ITGB6: variants seen among roughly 807,000 people sequenced by gnomAD.
ITGB6 encodes integrin beta-6.
A neutral mutation model predicts 84.5 loss-of-function variants in ITGB6; 80 were observed. The ratio of observed to expected loss-of-function variants is 0.95; its 90% CI spans 0.79 to 1.14. ITGB6 has a LOEUF of 1.14. ITGB6 is among the 50% of genes most tolerant of loss of function. ITGB6 has a pLI of 0.00. For missense variants in ITGB6, 1,006 were observed against 968.0 expected, an observed-to-expected ratio of 1.04 and a Z score of -0.52; for synonymous variants, 383 against 354.9, an observed-to-expected ratio of 1.08 and a Z score of -0.89.
At chr2:160,118,805 A>C (rs568735044) in intron 12 of ITGB6, among the ~76,000 whole-genome samples, 1 of 152,280 alleles carries the variant, frequency 6.6e-6, no homozygotes, top group East Asian at 1.9e-4. Context: ...CTGATAAGCA[A>C]CTTCAGCAAA....
chr2:160,152,442 G>T (rs375225126), intron 7 of ITGB6, among the ~76,000 whole-genome samples: 13 of 152,036 alleles, frequency 8.6e-5, no homozygotes, highest in African/African-American at 3.1e-4. Context: ...TTGATGGAAC[G>T]TATCTCAAAA....
intron 7 of ITGB6, among the ~76,000 whole-genome samples, chr2:160,162,650 C>T (rs1157919886): frequency 6.6e-6 from 1 of 152,138 alleles, no homozygotes; most frequent in Non-Finnish European, 1.5e-5. Context: ...TGGAGTTTCA[C>T]TCTTGTTGCC....
At chr2:160,134,546 C>T (rs547450457) in intron 10 of ITGB6, among the ~76,000 whole-genome samples, 176 of 152,310 alleles carry the variant, frequency 1.2e-3, no homozygotes, top group Non-Finnish European at 1.9e-3. Flanking sequence ...TCCTCCCTAA[C>T]TCATTTTATG....
At chr2:160,133,135 C>T (rs1683540174) in intron 10 of ITGB6, among the ~76,000 whole-genome samples, 1 of 152,068 alleles carries the variant, frequency 6.6e-6, no homozygotes, top group South Asian at 2.1e-4. Context: ...GATAAAGAGT[C>T]AAGACCCATC....
At chr2:160,144,218 A>C (rs1684103245) in intron 7 of ITGB6, among the ~76,000 whole-genome samples, 1 of 152,110 alleles carries the variant, frequency 6.6e-6, no homozygotes, top group Admixed American at 6.5e-5. Flanking sequence ...TGAACTCTTA[A>C]CAGTGTGAGA....
chr2:160,145,898 T>A (rs1157681648), intron 7 of ITGB6, among the ~76,000 whole-genome samples: 1 of 152,186 alleles, frequency 6.6e-6, no homozygotes, highest in East Asian at 1.9e-4. Flanking sequence ...ATCTCCTGTG[T>A]GCTTAGCTCT....
In ITGB6 at chr2:160,150,553, C is replaced by T. The variant is rs143964155; in HGVS notation, c.1018-8482G>A. Reference sequence around the variant, plus strand: ...GCTATGAAGAAACTGCATCAATTAACGGACAAAATAACCAGCGAACATCAT... The same window carrying T: ...GCTATGAAGAAACTGCATCAATTAATGGACAAAATAACCAGCGAACATCAT... On this transcript the variant is annotated intron_variant, in intron 7 of 14. Coordinates refer to ENST00000283249, the MANE Select transcript of ITGB6 (RefSeq NM_000888.5). 7.7e-3 allele frequency among the ~76,000 whole-genome samples: 1,170 copies of T among 152,226 alleles called. 7 individuals carry two copies. The highest frequency in any genetic ancestry group is 0.012 in the Admixed American group (183 of 15,286).
At chr2:160,115,982 A>T (rs1488611535) in intron 12 of ITGB6, among the ~76,000 whole-genome samples, 3 of 148,546 alleles carry the variant, frequency 2.0e-5, no homozygotes, top group Middle Eastern at 3.4e-3. Context: ...AAAAGAAATG[A>T]ACAAAGCCTC....
intron 13 of ITGB6, among the ~76,000 whole-genome samples, chr2:160,110,799 G>A (rs1283281016): frequency 1.3e-5 from 2 of 152,134 alleles, no homozygotes; most frequent in Admixed American, 6.5e-5. Context: ...GCTGTGAGAC[G>A]GGAGACAGGA....
chr2:160,109,691 T>G (rs1697050782), intron 13 of ITGB6, among the ~76,000 whole-genome samples: 1 of 152,260 alleles, frequency 6.6e-6, no homozygotes, highest in African/African-American at 2.4e-5. Context: ...GATTTCTACG[T>G]GGAAGAAGAG....
chr2:160,126,345 C>T, intron 11 of ITGB6, 34 bp downstream of exon 11: 2 of 1,585,154 alleles, frequency 1.3e-6, no homozygotes, highest in Non-Finnish European at 1.7e-6. Context: ...ATAAACCTAT[C>T]CACATAAGGA....
intron 4 of ITGB6, among the ~76,000 whole-genome samples, chr2:160,186,711 A>T (rs763889595): frequency 2.0e-4 from 30 of 152,240 alleles, no homozygotes; most frequent in Middle Eastern, 3.2e-3. Flanking sequence ...ACTTGGAACC[A>T]ACCCAAATGT....
intron 6 of ITGB6, among the ~76,000 whole-genome samples, chr2:160,171,060 G>A (rs934956818): frequency 1.3e-5 from 2 of 152,212 alleles, no homozygotes; most frequent in African/African-American, 2.4e-5. Context: ...CTGATCAAAT[G>A]TTTGGGGAAA....
chr2:160,115,395 C>A (rs1202192299), intron 12 of ITGB6, among the ~76,000 whole-genome samples: 1 of 152,226 alleles, frequency 6.6e-6, no homozygotes, highest in African/African-American at 2.4e-5. Flanking sequence ...GATACCCAGG[C>A]AAACAGGGTC....
chr2:160,178,410 C>T (rs1685523596), intron 4 of ITGB6, among the ~76,000 whole-genome samples: 1 of 152,220 alleles, frequency 6.6e-6, no homozygotes, highest in South Asian at 2.1e-4. Context: ...ATTTGAGCAT[C>T]TTCCAGATCC....
At chr2:160,114,668 T>A (rs1182061973) in intron 12 of ITGB6, among the ~76,000 whole-genome samples, 1 of 152,024 alleles carries the variant, frequency 6.6e-6, no homozygotes, top group Non-Finnish European at 1.5e-5. Flanking sequence ...GGTCAGTGGG[T>A]GCGCGCACCG....
intron 14 of ITGB6, among the ~76,000 whole-genome samples, chr2:160,102,106 T>C (rs963969450): frequency 6.6e-6 from 1 of 152,238 alleles, no homozygotes; most frequent in Admixed American, 6.5e-5. Flanking sequence ...AGGCTTCAGC[T>C]GTTGTGCTCA....
At chr2:160,174,252 C>G in intron 4 of ITGB6, 113 bp from the exon 5 acceptor site, 1 of 759,998 alleles carries the variant, frequency 1.3e-6, no homozygotes, top group Non-Finnish European at 2.1e-6. Context: ...TTCTAAAGGG[C>G]CTGACTCTGC....
intron 4 of ITGB6, among the ~76,000 whole-genome samples, chr2:160,189,581 C>T (rs1031744144): frequency 6.6e-6 from 1 of 152,206 alleles, no homozygotes; most frequent in Non-Finnish European, 1.5e-5. Context: ...GACATTTATG[C>T]AGCCAAAAGA....
Sources: gnomAD v4.1 joint callset for allele counts (sites outside exome capture counted in the v4.1 genomes callset) on GRCh38, gnomAD v4.1.1 for gene constraint, MANE v1.5 for transcripts, NCBI Gene and HGNC (gene_info 2026-07-23, HGNC 2026-07-21) for gene names.